The following SIPA1L3 variants were observed in gnomAD, a reference collection of about 807,000 sequenced individuals.
SIPA1L3 encodes the protein signal-induced proliferation-associated 1-like protein 3.
A neutral mutation model predicts 150.1 loss-of-function variants in SIPA1L3; 59 were observed. The ratio of observed to expected loss-of-function variants is 0.39; its 90% CI spans 0.32 to 0.49. SIPA1L3 has a LOEUF of 0.49. SIPA1L3 is among the 20% of genes least tolerant of loss of function. The pLI, the probability that SIPA1L3 is intolerant of heterozygous loss-of-function variation, is 0.86. For synonymous variants in SIPA1L3, 1,070 were observed against 1,077.6 expected (o/e 0.99, Z 0.14); for missense variants, 2,211 against 2,489.5 (o/e 0.89, Z 2.38).
chr19:38,002,717 CAAAAAAAAAAA>C (rs55737969), intron 1 of SIPA1L3, among the ~76,000 whole-genome samples: 2 of 61,420 alleles, frequency 3.3e-5, no homozygotes, highest in East Asian at 4.0e-4. Context: ...GACTCCATCT[CAAAAAAAAAAA>C]AAAAAAAAAA....
intron 21 of SIPA1L3, among the ~76,000 whole-genome samples, chr19:38,205,469 A>G (rs1454405898): frequency 6.6e-6 from 1 of 151,836 alleles, no homozygotes; most frequent in Non-Finnish European, 1.5e-5. Context: ...AAAAAAAAAA[A>G]AAAAAAATGA....
chr19:38,120,889 A>G lies in SIPA1L3; in HGVS notation c.2868+1007A>G, dbSNP rs537840974. Reference sequence around the variant, plus strand: ...GCAGAACGCCGTGCCATGTGTGCTAAATAGAGATAGCATATAACACGGCAG... The same window carrying G: ...GCAGAACGCCGTGCCATGTGTGCTAGATAGAGATAGCATATAACACGGCAG... On this transcript the variant is annotated intron_variant, in intron 9 of 21. Transcript: ENST00000222345. Among the ~76,000 whole-genome samples the G allele has an allele frequency of 2.6e-5, 4 of 152,358 alleles. No homozygotes were observed. The South Asian group carries it at 6.2e-4, about 24-fold the overall frequency.
At chr19:38,072,450 G>A (rs1033880997) in intron 2 of SIPA1L3, among the ~76,000 whole-genome samples, 1 of 152,234 alleles carries the variant, frequency 6.6e-6, no homozygotes, top group Non-Finnish European at 1.5e-5. Flanking sequence ...TGTCCAACTT[G>A]ATGCAGAGAC....
At chr19:38,194,631 C>T (rs952043662) in intron 18 of SIPA1L3, among the ~76,000 whole-genome samples, 1 of 152,220 alleles carries the variant, frequency 6.6e-6, no homozygotes, top group Non-Finnish European at 1.5e-5. Context: ...ATGTTCTACC[C>T]CAAGGGTCTC....
intron 12 of SIPA1L3, among the ~76,000 whole-genome samples, chr19:38,148,563 GTCATTTTGCCCAGGCA>G (rs1971750357): frequency 6.6e-6 from 1 of 152,128 alleles, no homozygotes; most frequent in African/African-American, 2.4e-5. Context: ...TCATCTGACC[GTCATTTTGCCCAGGCA>G]TCCTGTCATT....
intron 2 of SIPA1L3, among the ~76,000 whole-genome samples, chr19:38,074,481 A>T (rs1394005854): frequency 1.3e-5 from 2 of 152,222 alleles, no homozygotes; most frequent in African/African-American, 2.4e-5. Context: ...CAGAGCCACA[A>T]CACAGGCTGG....
chr19:38,098,377 TGGAAAGGGGC>T (rs1384723697), intron 4 of SIPA1L3, among the ~76,000 whole-genome samples: 1 of 150,538 alleles, frequency 6.6e-6, no homozygotes, highest in Admixed American at 6.7e-5. Context: ...AGTGGGCAGG[TGGAAAGGGGC>T]TTTCATTTTT....
intron 2 of SIPA1L3, among the ~76,000 whole-genome samples, chr19:38,079,607 A>G (rs1464428030): frequency 1.4e-5 from 2 of 147,094 alleles, no homozygotes; most frequent in African/African-American, 5.1e-5. Flanking sequence ...CCCAGGCTGG[A>G]GTGCAGTGGT....
intron 1 of SIPA1L3, among the ~76,000 whole-genome samples, chr19:38,015,115 C>G (rs546571112): frequency 5.9e-5 from 9 of 152,236 alleles, no homozygotes; most frequent in Admixed American, 2.0e-4. Context: ...ACGCCCAGCT[C>G]CATGCCAGAT....
rs547535410 is a variant in SIPA1L3 at position 38,122,276 on chromosome 19, C to A, written c.2868+2394C>A. 5.9e-5 allele frequency among the ~76,000 whole-genome samples: 9 copies of A among 152,232 alleles called. No individual in the cohort carries two copies. The East Asian group carries it at 1.7e-3, about 29-fold the overall frequency. ...TCCTCCCCACCCCTCTCAGAGGTTT[C>A]CTGACTTTGTAAAATAGAAGTCCTC... On this transcript the variant is annotated intron_variant, in intron 9 of 21. Transcript: ENST00000222345.
intron 1 of SIPA1L3, among the ~76,000 whole-genome samples, chr19:37,960,858 TTA>T (rs2046851790): frequency 6.6e-6 from 1 of 151,210 alleles, no homozygotes; most frequent in South Asian, 2.1e-4. Flanking sequence ...CCAGCCAATT[TTA>T]AAAAAAAATA....
At chr19:38,056,374 C>T (rs1453906249) in intron 2 of SIPA1L3, among the ~76,000 whole-genome samples, 11 of 152,216 alleles carry the variant, frequency 7.2e-5, no homozygotes, top group African/African-American at 2.7e-4. Flanking sequence ...AACACTGTGG[C>T]ATCCTTGCAC....
chr19:37,984,061 AC>A (rs1249818989), intron 1 of SIPA1L3, among the ~76,000 whole-genome samples: 1 of 152,078 alleles, frequency 6.6e-6, no homozygotes, highest in East Asian at 1.9e-4. Context: ...TGGGAGAAAG[AC>A]CCAGCCCGGC....
chr19:38,168,553 C>T (rs1972258164), intron 15 of SIPA1L3, among the ~76,000 whole-genome samples: 1 of 151,924 alleles, frequency 6.6e-6, no homozygotes, highest in African/African-American at 2.4e-5. Context: ...AGAGTCTATA[C>T]CAGGGGCCTC....
chr19:38,018,156 CTTTT>C (rs34874664), intron 1 of SIPA1L3, among the ~76,000 whole-genome samples: 2 of 61,328 alleles, frequency 3.3e-5, no homozygotes, highest in African/African-American at 7.3e-5. Flanking sequence ...CTTTGAGTGT[CTTTT>C]TTTTTTTTTT....
At chr19:38,092,757 G>C (rs570237319) in intron 4 of SIPA1L3, among the ~76,000 whole-genome samples, 7 of 152,116 alleles carry the variant, frequency 4.6e-5, no homozygotes, top group African/African-American at 1.7e-4. Context: ...ACAAAAGGAC[G>C]CAGAACACCT....
At chr19:38,050,826 G>C (rs1471137006) in intron 2 of SIPA1L3, among the ~76,000 whole-genome samples, 1 of 152,004 alleles carries the variant, frequency 6.6e-6, no homozygotes, top group Non-Finnish European at 1.5e-5. Context: ...TGGGAGGCTG[G>C]GGCTGATGGA....
intron 10 of SIPA1L3, among the ~76,000 whole-genome samples, chr19:38,136,710 C>T (rs1971444789): frequency 6.6e-6 from 1 of 152,200 alleles, no homozygotes; most frequent in Non-Finnish European, 1.5e-5. Context: ...TGGGCCCTGC[C>T]TCAGGGGATT....
chr19:38,023,269 G>T (rs1052474455), intron 1 of SIPA1L3, among the ~76,000 whole-genome samples: 4 of 152,098 alleles, frequency 2.6e-5, no homozygotes, highest in African/African-American at 9.7e-5. Context: ...GGGGGTCAGG[G>T]GGTACAGGAA....
Sources: allele counts gnomAD v4.1 joint callset (sites outside exome capture counted in the v4.1 genomes callset), GRCh38; gene constraint gnomAD v4.1.1; transcripts MANE v1.5; gene names NCBI Gene and HGNC (gene_info 2026-07-23, HGNC 2026-07-21).